The following DAG1 variants were observed in gnomAD, a reference collection of about 807,000 sequenced individuals.
DAG1 encodes dystroglycan 1 (dystrophin-associated glycoprotein 1).
In DAG1, 8 loss-of-function variants were observed where a neutral mutation model predicts 46.1. That is an observed-to-expected ratio of 0.17 (90% CI 0.10 to 0.31). The LOEUF is 0.31. DAG1 is among the 10% of genes least tolerant of loss of function. The pLI, the probability that DAG1 is intolerant of heterozygous loss-of-function variation, is 1.00. For missense variants in DAG1, 1,003 were observed against 1,189.9 expected (o/e 0.84, Z 2.31); for synonymous variants, 495 against 481.8 (o/e 1.03, Z -0.36).
intron 2 of DAG1, among the ~76,000 whole-genome samples, chr3:49,522,401 G>A (rs1402225322): frequency 1.3e-5 from 2 of 151,786 alleles, no homozygotes; most frequent in Non-Finnish European, 2.9e-5. Context: ...TCCTGACCTC[G>A]TGATCCACCC....
intron 2 of DAG1, among the ~76,000 whole-genome samples, chr3:49,526,114 G>T (rs565312382): frequency 6.6e-6 from 1 of 152,310 alleles, no homozygotes; most frequent in South Asian, 2.1e-4. Flanking sequence ...GCCTCCCAAA[G>T]TACTAGGATT....
rs2051439237 is a variant in DAG1, at chr3:49,533,873, G to C, written c.*674G>C. On this transcript the variant is annotated 3_prime_UTR_variant, in exon 3 of 3. Coordinates refer to ENST00000308775, the MANE Select transcript of DAG1 (RefSeq NM_004393.6). ...TCAACTTGGTTGCTCTGATACCCCA[G>C]AGCCTGATTGGGGGCCTCCCGGCCC... 5.8e-6 allele frequency: 1 copy of C among 171,254 alleles called. No individual in the cohort carries two copies. Among genetic ancestry groups the C allele is most frequent in the East Asian group, 1.7e-4 (1 of 5,822 alleles). 10.6% of individuals were successfully genotyped at this position (171,254 alleles called of 1,614,324 possible).
chr3:49,515,036 A>G (rs183660457), intron 2 of DAG1, among the ~76,000 whole-genome samples: 2 of 152,188 alleles, frequency 1.3e-5, no homozygotes, highest in Non-Finnish European at 2.9e-5. Context: ...GGGTTTCACC[A>G]TATTGGCCAG....
chr3:49,501,861 TAAAGA>T (rs1260428351), intron 1 of DAG1, among the ~76,000 whole-genome samples: 2 of 148,514 alleles, frequency 1.3e-5, no homozygotes, highest in Non-Finnish European at 3.0e-5. Flanking sequence ...AAAAGGCCAG[TAAAGA>T]AAACACTATG....
intron 2 of DAG1, among the ~76,000 whole-genome samples, chr3:49,518,698 T>C (rs2050955980): frequency 6.6e-6 from 1 of 152,240 alleles, no homozygotes; most frequent in South Asian, 2.1e-4. Flanking sequence ...TAACCAATGC[T>C]GTTCTCCAGT....
intron 1 of DAG1, among the ~76,000 whole-genome samples, chr3:49,472,662 C>T (rs1455528748): frequency 6.6e-6 from 1 of 152,040 alleles, no homozygotes; most frequent in Admixed American, 6.6e-5. Flanking sequence ...AAAAAATTAG[C>T]CGGGCGTGGT....
At chr3:49,505,479 A>G (rs1410454514) in intron 1 of DAG1, among the ~76,000 whole-genome samples, 3 of 152,308 alleles carry the variant, frequency 2.0e-5, no homozygotes, top group African/African-American at 7.2e-5. Context: ...TTTGGTGTCC[A>G]CATGTTGCAG....
chr3:49,531,144 G>T lies in DAG1; in HGVS notation c.633G>T (p.Leu211=). 6.2e-7 allele frequency: 1 copy of T among 1,614,226 alleles called. No individual in the cohort carries two copies. Among genetic ancestry groups the T allele is most frequent in the Non-Finnish European group, 8.5e-7 (1 of 1,180,040 alleles). The change falls in exon 3 of 3, where the codon CTG becomes CTT. Residue 211 remains leucine (L), a synonymous_variant. Transcript: ENST00000308775. The surrounding 1 kb of genome is among the most constrained non-coding windows in gnomAD (Gnocchi z 7.0). ...KMTPKQRIDL[L]HRMRSFSEVE... ...CCCCAAAGCAAAGGATTGACCTCCT[G>T]CACAGGATGCGGAGCTTCTCAGAAG...
chr3:49,532,770 A>G lies in DAG1; in HGVS notation c.2259A>G (p.Thr753=). 1 of 1,614,042 alleles carries G rather than the reference A, an allele frequency of 6.2e-7. No homozygotes were observed. The highest frequency in any genetic ancestry group is 1.1e-5 in the South Asian group (1 of 91,082). Residue 753 remains threonine (T), a synonymous_variant, in exon 3 of 3, where the codon ACA becomes ACG. Coordinates refer to ENST00000308775, the MANE Select transcript of DAG1 (RefSeq NM_004393.6). This position sits in a 1 kb window ranked among gnomAD's most constrained non-coding sequence, Gnocchi z 5.4. ...KSSEDDVYLH[T]VIPAVVVAAI... Reference sequence around the variant, plus strand: ...GTGAGGATGATGTCTACCTGCACACAGTCATTCCGGCCGTGGTGGTCGCAG... The same window carrying G: ...GTGAGGATGATGTCTACCTGCACACGGTCATTCCGGCCGTGGTGGTCGCAG...
chr3:49,502,470 G>A (rs1345819965), intron 1 of DAG1, among the ~76,000 whole-genome samples: 1 of 152,164 alleles, frequency 6.6e-6, no homozygotes, highest in African/African-American at 2.4e-5. Flanking sequence ...GGTTCCTGCG[G>A]AGGAATGGGT....
chr3:49,490,180 C>T (rs935611115), intron 1 of DAG1, among the ~76,000 whole-genome samples: 1 of 151,866 alleles, frequency 6.6e-6, no homozygotes, highest in African/African-American at 2.4e-5. Flanking sequence ...GGTGAAACCC[C>T]GTCTCTACTA....
chr3:49,482,796 C>A (rs957997040), intron 1 of DAG1, among the ~76,000 whole-genome samples: 3 of 152,130 alleles, frequency 2.0e-5, no homozygotes, highest in African/African-American at 7.2e-5. Context: ...GAATTGGAAT[C>A]AAATTCTTTT....
chr3:49,530,711 T>C (rs572115474), intron 2 of DAG1, 86 bp from the exon 3 acceptor site: 39 of 1,581,058 alleles, frequency 2.5e-5, no homozygotes, highest in Non-Finnish European at 3.2e-5. Flanking sequence ...CTTAAACCTG[T>C]CACACAATTC....
intron 1 of DAG1, among the ~76,000 whole-genome samples, chr3:49,475,595 G>C (rs1001450407): frequency 6.6e-6 from 1 of 151,726 alleles, no homozygotes; most frequent in Non-Finnish European, 1.5e-5. Context: ...TAGGAATTTA[G>C]AGTAGCTTAC....
rs771046508 is a variant in DAG1 at position 49,533,016 on chromosome 3, T to G, written c.2505T>G (p.Ser835Arg). 6.2e-7 allele frequency: 1 copy of G among 1,613,344 alleles called. No homozygotes were observed. The highest frequency in any genetic ancestry group is 8.5e-7 in the Non-Finnish European group (1 of 1,179,804). Residue 835 changes from serine to arginine, a missense_variant, in exon 3 of 3, where the codon AGT becomes AGG. Physicochemically the swap from Ser to Arg is moderately radical, Grantham distance 110 (BLOSUM62 -1). Transcript: ENST00000308775. ...CCCCTCCTGAGTACCCCAACCAGAG[T>G]GTGCCCGAGACCACTCCTCTGAACC... ...PLPPPEYPNQ[S>R]VPETTPLNQD...
At chr3:49,518,696 G>A (rs2050955926) in intron 2 of DAG1, among the ~76,000 whole-genome samples, 1 of 152,186 alleles carries the variant, frequency 6.6e-6, no homozygotes, top group Non-Finnish European at 1.5e-5. Context: ...CTTAACCAAT[G>A]CTGTTCTCCA....
chr3:49,512,484 C>T (rs1201038943), intron 2 of DAG1, among the ~76,000 whole-genome samples: 1 of 151,300 alleles, frequency 6.6e-6, no homozygotes, highest in Admixed American at 6.6e-5. Context: ...CTCCATCTCC[C>T]AGATTCAAGT....
chr3:49,493,309 G>T lies in DAG1; in HGVS notation c.-116-17110G>T, dbSNP rs561096963. ...TCCATCAACCTTAGCCTACCAAAGTGCTAGGATTACAGGCATGAACCACTG... is the reference window on the plus strand; with the variant it reads ...TCCATCAACCTTAGCCTACCAAAGTTCTAGGATTACAGGCATGAACCACTG... On this transcript the variant is annotated intron_variant, in intron 1 of 2. Transcript: ENST00000308775. 2.0e-5 allele frequency among the ~76,000 whole-genome samples: 3 copies of T among 152,152 alleles called. No homozygotes were observed. The South Asian group carries it at 6.2e-4, about 32-fold the overall frequency.
intron 1 of DAG1, among the ~76,000 whole-genome samples, chr3:49,471,309 T>C (rs2049512463): frequency 6.6e-6 from 1 of 151,998 alleles, no homozygotes; most frequent in African/African-American, 2.4e-5. Flanking sequence ...GAAGGGAAGG[T>C]GGTGTTTATA....
Sources: gnomAD v4.1 joint callset for allele counts (sites outside exome capture counted in the v4.1 genomes callset) on GRCh38, gnomAD v4.1.1 for gene constraint, Gnocchi (gnomAD v3.1) non-coding constraint, MANE v1.5 for transcripts, NCBI Gene and HGNC (gene_info 2026-07-23, HGNC 2026-07-21) for gene names.